MCC: variants seen among roughly 807,000 people sequenced by gnomAD.
The protein encoded by MCC is MCC regulator of Wnt signaling pathway.
MCC carries 90 observed loss-of-function variants against 116.2 expected under a neutral mutation model. The ratio of observed to expected loss-of-function variants is 0.77; its 90% confidence interval spans 0.65 to 0.92. The LOEUF is 0.92. MCC is among the 40% of genes least tolerant of loss of function. The probability of loss-of-function intolerance (pLI) is 0.00; values close to 1 mark genes in which losing one functional copy is unlikely to be tolerated. For missense variants in MCC, 1,516 were observed against 1,312.2 expected, an observed-to-expected ratio of 1.16 and a Z score of -2.40; for synonymous variants, 578 against 510.5, an observed-to-expected ratio of 1.13 and a Z score of -1.78.
At chr5:113,364,355 T>C (rs1768634294) in intron 2 of MCC, among the ~76,000 whole-genome samples, 1 of 151,568 alleles carries the variant, frequency 6.6e-6, no homozygotes, top group Non-Finnish European at 1.5e-5. Flanking sequence ...TAATCTCCTT[T>C]GACTTAATTT....
intron 3 of MCC, among the ~76,000 whole-genome samples, chr5:113,240,465 T>C (rs1288571184): frequency 1.3e-5 from 2 of 152,192 alleles, no homozygotes; most frequent in Admixed American, 1.3e-4. Context: ...AATAACTATG[T>C]TTACATCTTT....
At chr5:113,458,848 A>G (rs1771656783) in intron 1 of MCC, among the ~76,000 whole-genome samples, 1 of 152,148 alleles carries the variant, frequency 6.6e-6, no homozygotes, top group Non-Finnish European at 1.5e-5. Flanking sequence ...GTTTAATAAG[A>G]TCTCCCTTTT....
intron 1 of MCC, among the ~76,000 whole-genome samples, chr5:113,456,624 T>C: frequency 7.3e-5 from 1 of 13,764 alleles, no homozygotes; most frequent in African/African-American, 1.6e-4. Flanking sequence ...GCCCAGCTAA[T>C]TTTTTTTTTT....
intron 9 of MCC, among the ~76,000 whole-genome samples, chr5:113,084,822 G>A (rs1038706555): frequency 2.0e-5 from 3 of 152,198 alleles, no homozygotes; most frequent in African/African-American, 7.2e-5. Flanking sequence ...CAAGGTCCCT[G>A]ACTGGGCTGA....
chr5:113,133,873 TG>T (rs1758628706), intron 5 of MCC, among the ~76,000 whole-genome samples: 1 of 152,202 alleles, frequency 6.6e-6, no homozygotes. Context: ...TTCATTTACC[TG>T]TTGGCCATTT....
chr5:113,202,593 C>T (rs1246782576), intron 3 of MCC, among the ~76,000 whole-genome samples: 1 of 152,108 alleles, frequency 6.6e-6, no homozygotes, highest in Non-Finnish European at 1.5e-5. Context: ...AAAACACACA[C>T]GCTTATACAC....
intron 15 of MCC, among the ~76,000 whole-genome samples, chr5:113,051,052 A>G (rs1161202303): frequency 2.6e-5 from 4 of 152,240 alleles, no homozygotes; most frequent in Non-Finnish European, 5.9e-5. Flanking sequence ...TTAAACCTCA[A>G]GCTTGTGTCA....
At chr5:113,207,887 A>G (rs957964619) in intron 3 of MCC, among the ~76,000 whole-genome samples, 2 of 152,138 alleles carry the variant, frequency 1.3e-5, no homozygotes, top group Non-Finnish European at 2.9e-5. Context: ...GGTCTGCTGA[A>G]TGAGAACCCT....
At chr5:113,228,068 T>C (rs1480510933) in intron 3 of MCC, among the ~76,000 whole-genome samples, 2 of 152,212 alleles carry the variant, frequency 1.3e-5, no homozygotes, top group African/African-American at 4.8e-5. Context: ...TTAAACTTAA[T>C]AGATCAGAGA....
At chr5:113,151,472 T>G (rs1759871420) in intron 3 of MCC, 50 bp from the exon 4 acceptor site, 1 of 1,018,112 alleles carries the variant, frequency 9.8e-7, no homozygotes, top group South Asian at 1.4e-5. Context: ...GAGATGTATT[T>G]CCTTCCCTTC....
At chr5:113,396,682 C>A (rs1769533913) in intron 1 of MCC, among the ~76,000 whole-genome samples, 1 of 152,042 alleles carries the variant, frequency 6.6e-6, no homozygotes, top group Non-Finnish European at 1.5e-5. Flanking sequence ...TGAAAAAAAT[C>A]CTCTATAGAA....
Position 113,023,031 on chromosome 5 carries a change from T to TATCA in MCC, c.*4267_*4270dup, listed in dbSNP as rs1750259828. The TATCA allele has an allele frequency of 6.6e-6, 1 of 152,240 alleles. No homozygotes were observed. Among genetic ancestry groups the TATCA allele is most frequent in the Non-Finnish European group, 1.5e-5 (1 of 68,036 alleles). The allele number at this position is 152,240 out of a possible 1,614,324, so 9.4% of individuals were successfully genotyped here. On this transcript the variant is annotated 3_prime_UTR_variant, in exon 19 of 19. Transcript: ENST00000408903. ...AAAACAAGAATACATGAACAGCTGC[T>TATCA]ATCAACTTGTATACTTTTTTTCCAC...
chr5:113,441,337 TCAAAA>T (rs200868338), intron 1 of MCC, among the ~76,000 whole-genome samples: 14 of 151,842 alleles, frequency 9.2e-5, no homozygotes, highest in Admixed American at 3.3e-4. Flanking sequence ...AGACACTGTC[TCAAAA>T]CAAAACAAAA....
At chr5:113,487,984 C>A (rs1013875379) in intron 1 of MCC, among the ~76,000 whole-genome samples, 1 of 152,166 alleles carries the variant, frequency 6.6e-6, no homozygotes, top group African/African-American at 2.4e-5. Flanking sequence ...GAGTGCGCAT[C>A]CTAAGGAGAT....
intron 3 of MCC, among the ~76,000 whole-genome samples, chr5:113,196,257 C>G (rs1178724767): frequency 6.6e-6 from 1 of 152,204 alleles, no homozygotes; most frequent in African/African-American, 2.4e-5. Context: ...GGATGAATGA[C>G]CCTCTTTCCT....
rs893210368 is a variant in MCC at position 113,023,143 on chromosome 5, A to AAGTT, written c.*4155_*4158dup. The stretch of plus-strand genomic sequence containing the variant: ...ATTTCTTAGAGAATACAAATGTATT[A>AAGTT]AGTTAGAGTAATTTCAGGTGTGTTA... On this transcript the variant is annotated 3_prime_UTR_variant, in exon 19 of 19. Coordinates refer to ENST00000408903, the MANE Select transcript of MCC (RefSeq NM_001085377.2). 6.6e-6 allele frequency: 1 copy of AAGTT among 152,236 alleles called. No homozygotes were observed. The highest frequency in any genetic ancestry group is 1.9e-4 in the East Asian group (1 of 5,202). 9.4% of individuals were successfully genotyped at this position (152,236 alleles called of 1,614,324 possible). A position where few individuals can be genotyped will look rare whatever the true frequency, so the allele number is the denominator to read the frequency against.
At chr5:113,126,166 T>C (rs577532834) in intron 5 of MCC, among the ~76,000 whole-genome samples, 16 of 152,302 alleles carry the variant, frequency 1.1e-4, no homozygotes, top group African/African-American at 3.8e-4. Context: ...CTTTAAGAGA[T>C]GCAACCATTA....
At chr5:113,164,885 G>A (rs542063534) in intron 3 of MCC, among the ~76,000 whole-genome samples, 2 of 152,182 alleles carry the variant, frequency 1.3e-5, no homozygotes, top group Non-Finnish European at 2.9e-5. Context: ...AGTTTCAGTG[G>A]GATCCCCATG....
intron 6 of MCC, among the ~76,000 whole-genome samples, chr5:113,122,089 T>A (rs571041301): frequency 6.6e-6 from 1 of 152,268 alleles, no homozygotes; most frequent in African/African-American, 2.4e-5. Context: ...TACTTTTTCA[T>A]GTAATTTCAA....
Sources: gnomAD v4.1 joint callset for allele counts (sites outside exome capture counted in the v4.1 genomes callset) on GRCh38, gnomAD v4.1.1 for gene constraint, MANE v1.5 for transcripts, NCBI Gene and HGNC (gene_info 2026-07-23, HGNC 2026-07-21) for gene names.